The following PRDX3 variants were observed in gnomAD, a reference collection of about 807,000 sequenced individuals.
The protein encoded by PRDX3 is peroxiredoxin 3, also known as thioredoxin-dependent peroxide reductase, mitochondrial.
PRDX3 carries 20 observed loss-of-function variants against 30.4 expected under a neutral mutation model. The ratio of observed to expected loss-of-function variants is 0.66; its 90% confidence interval spans 0.46 to 0.96. The LOEUF (loss-of-function observed/expected upper bound fraction) is 0.96. PRDX3 is among the 40% of genes least tolerant of loss of function. The probability of loss-of-function intolerance (pLI) is 0.00; values close to 1 mark genes in which losing one functional copy is unlikely to be tolerated. For synonymous variants in PRDX3, 124 were observed against 117.8 expected (o/e 1.05, Z -0.34); for missense variants, 322 against 318.3 (o/e 1.01, Z -0.09).
rs1352856258 is a variant in PRDX3 at position 119,169,481 on chromosome 10, C to G, written c.552-139G>C. 3 of 722,964 alleles carry G rather than the reference C, an allele frequency of 4.1e-6. No homozygotes were observed. In the African/African-American group the frequency reaches 5.4e-5, roughly 13 times the overall value. 44.8% of individuals were successfully genotyped at this position (722,964 alleles called of 1,614,324 possible). A position where few individuals can be genotyped will look rare whatever the true frequency, so the allele number is the denominator to read the frequency against. ...ATCATATGCTTAAAGGTGGGGTTTT[C>G]ACTGTTGTGCAAAAAACTTATCATC... On this transcript the variant is annotated intron_variant, in intron 5 of 6. Coordinates refer to ENST00000298510, the MANE Select transcript of PRDX3 (RefSeq NM_006793.5).
intron 1 of PRDX3, among the ~76,000 whole-genome samples, chr10:119,178,261 T>C (rs1445035310): frequency 6.6e-6 from 1 of 152,176 alleles, no homozygotes; most frequent in African/African-American, 2.4e-5. Flanking sequence ...GCACGACGCA[T>C]TGCCCACAGT....
At chr10:119,175,832 G>A (rs1848014249) in intron 2 of PRDX3, among the ~76,000 whole-genome samples, 1 of 150,374 alleles carries the variant, frequency 6.7e-6, no homozygotes, top group South Asian at 2.1e-4. Context: ...AGGCTGGAGT[G>A]TAGTGGCATG....
At chr10:119,169,149 C>G in intron 6 of PRDX3, 28 bp downstream of exon 6, 4 of 1,609,224 alleles carry the variant, frequency 2.5e-6, no homozygotes, top group Non-Finnish European at 2.5e-6. Context: ...GAACATGGAC[C>G]TCACTGCTTT....
intron 2 of PRDX3, among the ~76,000 whole-genome samples, chr10:119,176,360 G>A (rs1004925593): frequency 2.0e-5 from 3 of 152,108 alleles, no homozygotes; most frequent in East Asian, 1.9e-4. Context: ...GTAAAATTGC[G>A]AAAGCTCTTA....
At chr10:119,172,791 C>T (rs1847939667) in intron 4 of PRDX3, among the ~76,000 whole-genome samples, 1 of 152,000 alleles carries the variant, frequency 6.6e-6, no homozygotes, top group African/African-American at 2.4e-5. Context: ...TTTTAAGACA[C>T]AGAGTCTCGC....
At chr10:119,175,044 G>A (rs1232698860) in intron 2 of PRDX3, among the ~76,000 whole-genome samples, 2 of 152,306 alleles carry the variant, frequency 1.3e-5, no homozygotes, top group East Asian at 1.9e-4. Flanking sequence ...GATACAGAGG[G>A]CCAACTGTAA....
intron 4 of PRDX3, among the ~76,000 whole-genome samples, 178 bp downstream of exon 4, chr10:119,173,557 TGA>T (rs569011183): frequency 6.6e-6 from 1 of 150,682 alleles, no homozygotes; most frequent in Non-Finnish European, 1.5e-5. Context: ...TGCAGTGAGC[TGA>T]GATTGTGCCA....
chr10:119,178,054 G>T (rs1320070581), intron 1 of PRDX3, among the ~76,000 whole-genome samples: 2 of 151,570 alleles, frequency 1.3e-5, no homozygotes, highest in East Asian at 1.9e-4. Context: ...TAGAGACAAG[G>T]TCTCACTATT....
chr10:119,171,840 G>A (rs1457288835), intron 5 of PRDX3, among the ~76,000 whole-genome samples: 1 of 152,178 alleles, frequency 6.6e-6, no homozygotes, highest in Non-Finnish European at 1.5e-5. Context: ...TTGGTTCCAG[G>A]GCTGAAGATG....
chr10:119,168,171 TAAGA>T lies in PRDX3; in HGVS notation c.*305_*308del, dbSNP rs1847811049. On this transcript the variant is annotated 3_prime_UTR_variant, in exon 7 of 7. Transcript: ENST00000298510. Reference sequence around the variant, plus strand: ...ATTATAGGCAAGATTCAAGTAAGGCTAAGAAAGAAGAGTGTTTCCATTGAGACAT... The same window carrying T: ...ATTATAGGCAAGATTCAAGTAAGGCTAAGAAGAGTGTTTCCATTGAGACAT... The T allele has an allele frequency of 3.1e-6, 1 of 318,702 alleles. No individual in the cohort carries two copies. Among genetic ancestry groups the T allele is most frequent in the East Asian group, 8.4e-5 (1 of 11,846 alleles). 19.7% of individuals were successfully genotyped at this position (318,702 alleles called of 1,614,324 possible). A position where few individuals can be genotyped will look rare whatever the true frequency, so the allele number is the denominator to read the frequency against.
chr10:119,173,294 T>C (rs949808901), intron 4 of PRDX3, among the ~76,000 whole-genome samples: 2 of 152,098 alleles, frequency 1.3e-5, no homozygotes, highest in East Asian at 3.9e-4. Context: ...AACATAGACA[T>C]GGAAGAGTAA....
In PRDX3 at chr10:119,174,552, G is replaced by C. The variant is rs1280206002; in HGVS notation, c.210C>G (p.Pro70=). 2 of 1,611,096 alleles carry C rather than the reference G, an allele frequency of 1.2e-6. No individual in the cohort carries two copies. The highest frequency in any genetic ancestry group is 1.1e-5 in the South Asian group (1 of 90,396). ...CHAPAVTQHA[P]YFKGTAVVNG... is the part of the protein sequence containing the mutation. Reference sequence around the variant, plus strand: ...TGACAACGGCTGTACCCTTAAAATAGGGTGCATGCTGGGTGACAGCAGGTG... The same window carrying C: ...TGACAACGGCTGTACCCTTAAAATACGGTGCATGCTGGGTGACAGCAGGTG... The change falls in exon 3 of 7, where the codon CCC becomes CCG. Residue 70 remains proline (P), a synonymous_variant. Transcript: ENST00000298510.
intron 5 of PRDX3, 123 bp from the exon 6 acceptor site, chr10:119,169,465 T>C (rs1260284778): frequency 5.8e-6 from 5 of 864,722 alleles, no homozygotes; most frequent in Non-Finnish European, 8.5e-6. Context: ...AATCATATGC[T>C]TAAAGGTGGG....
At chr10:119,178,712 C>G in intron 1 of PRDX3, 43 bp downstream of exon 1, 2 of 1,547,824 alleles carry the variant, frequency 1.3e-6, no homozygotes, top group Non-Finnish European at 1.7e-6. Context: ...GTTCCCGGAG[C>G]CACCAGTGTC....
intron 2 of PRDX3, among the ~76,000 whole-genome samples, chr10:119,176,371 G>A (rs571007391): frequency 2.0e-5 from 3 of 152,258 alleles, no homozygotes; most frequent in Admixed American, 1.3e-4. Flanking sequence ...AAAGCTCTTA[G>A]AACATTTTGC....
At position 119,177,164 on chromosome 10, in the gene PRDX3, A is replaced by T; in HGVS notation, c.37-11T>A. 2 of 1,612,350 alleles carry T rather than the reference A, an allele frequency of 1.2e-6. No individual in the cohort carries two copies. The highest frequency in any genetic ancestry group is 1.7e-6 in the Non-Finnish European group (2 of 1,179,722). On this transcript the variant is annotated splice_polypyrimidine_tract_variant and intron_variant, in intron 1 of 6. Coordinates refer to ENST00000298510, the MANE Select transcript of PRDX3 (RefSeq NM_006793.5). Reference sequence around the variant, plus strand: ...CACATGTCGGGCAACCTGGAAAGAGAAACTTTTTATTAGAAAGTTTTCCTG... The same window carrying T: ...CACATGTCGGGCAACCTGGAAAGAGTAACTTTTTATTAGAAAGTTTTCCTG...
intron 2 of PRDX3, 47 bp downstream of exon 2, chr10:119,176,974 C>T: frequency 8.1e-6 from 13 of 1,611,428 alleles, no homozygotes; most frequent in Non-Finnish European, 1.1e-5. Context: ...GACGATGGTT[C>T]ATTTTTCCTT....
At chr10:119,168,562 CTG>C (rs1215111026) in intron 6 of PRDX3, 29 bp from the exon 7 acceptor site, 3 of 1,612,190 alleles carry the variant, frequency 1.9e-6, no homozygotes, top group Non-Finnish European at 2.5e-6. Context: ...AATTAGGTAA[CTG>C]TGACTTTACC....
chr10:119,175,225 T>C (rs1317815947), intron 2 of PRDX3, among the ~76,000 whole-genome samples: 1 of 152,068 alleles, frequency 6.6e-6, no homozygotes, highest in South Asian at 2.1e-4. Flanking sequence ...AGATGGCATG[T>C]AGGAAACAGC....
Sources: gnomAD v4.1 joint callset for allele counts (sites outside exome capture counted in the v4.1 genomes callset) on GRCh38, gnomAD v4.1.1 for gene constraint, MANE v1.5 for transcripts, NCBI Gene and HGNC (gene_info 2026-07-23, HGNC 2026-07-21) for gene names.